Variants in TTI1 observed in about 807,000 individuals in gnomAD.
TTI1 encodes TELO2-interacting protein 1 homolog.
In TTI1, 52 loss-of-function variants were observed where a neutral mutation model predicts 85.4. The observed-to-expected ratio is 0.61, with a 90% CI of 0.49 to 0.77. The LOEUF (loss-of-function observed/expected upper bound fraction) is 0.77. TTI1 is among the 30% of genes least tolerant of loss of function. The pLI is 0.00. For missense variants in TTI1, 1,173 were observed against 1,296.0 expected (o/e 0.91, Z 1.46); for synonymous variants, 512 against 503.9 (o/e 1.02, Z -0.22).
rs776899644 is a variant in TTI1 at position 38,012,046 on chromosome 20, C to T, written c.1771G>A (p.Gly591Ser). Reference protein sequence around the residue: ...MGEELMMEHPGLQAITSGEHT... With the variant: ...MGEELMMEHPSLQAITSGEHT... Reference sequence around the variant, plus strand: ...TCACCAGACGTGATGGCTTGGAGGCCTGGGTGCTCCATCATCAGCTCCTCT... The same window carrying T: ...TCACCAGACGTGATGGCTTGGAGGCTTGGGTGCTCCATCATCAGCTCCTCT... The change falls in exon 2 of 8, where the codon GGC becomes AGC. Residue 591 changes from glycine to serine, a missense_variant. By Grantham distance (56) the Gly-to-Ser change is moderately conservative (BLOSUM62 0). Coordinates refer to ENST00000373447, the MANE Select transcript of TTI1 (RefSeq NM_001303457.2). 4 of 1,614,222 alleles carry T rather than the reference C, an allele frequency of 2.5e-6. No homozygotes were observed. In the South Asian group the frequency reaches 4.4e-5, roughly 18 times the overall value.
chr20:38,011,067 C>T (rs907496635), intron 2 of TTI1, among the ~76,000 whole-genome samples: 1 of 152,166 alleles, frequency 6.6e-6, no homozygotes, highest in African/African-American at 2.4e-5. Context: ...CCGTTCTAGA[C>T]AATATGTGAC....
rs1288839151 is a variant in TTI1, at chr20:38,020,322, AAATATATATATAT to A, written c.-41-6478_-41-6466del. Among the ~76,000 whole-genome samples, 33 of 75,942 alleles carry A rather than the reference AAATATATATATAT, an allele frequency of 4.3e-4. 6 individuals are homozygous for A. Among genetic ancestry groups the A allele is most frequent in the Admixed American group, 2.7e-3 (20 of 7,398 alleles). 49.8% of individuals were successfully genotyped at this position (75,942 alleles called of 152,430 possible). A position where few individuals can be genotyped will look rare whatever the true frequency, so the allele number is the denominator to read the frequency against. On this transcript the variant is annotated intron_variant, in intron 1 of 7. Coordinates refer to ENST00000373447, the MANE Select transcript of TTI1 (RefSeq NM_001303457.2). ...TGGCTACTCATATGAAAAAAAAAAA[AAATATATATATAT>A]ATATATATATATATATATGTATGTA...
intron 7 of TTI1, chr20:37,987,083 C>G (rs1280848392): frequency 9.0e-6 from 4 of 443,164 alleles, no homozygotes; most frequent in South Asian, 6.4e-5. Flanking sequence ...GCCTGCTGAA[C>G]TCTAAACACG....
intron 7 of TTI1, among the ~76,000 whole-genome samples, chr20:37,991,025 G>A (rs1294070748): frequency 1.3e-5 from 2 of 152,196 alleles, no homozygotes; most frequent in Admixed American, 6.5e-5. Context: ...CCTGCCAGAT[G>A]TCTCTTATCT....
intron 1 of TTI1, among the ~76,000 whole-genome samples, chr20:38,021,109 G>C (rs2073765677): frequency 6.6e-6 from 1 of 152,156 alleles, no homozygotes; most frequent in Non-Finnish European, 1.5e-5. Context: ...ATCTGTAGTA[G>C]AATGGATAAA....
chr20:37,996,614 C>T (rs1425855983), intron 6 of TTI1, 135 bp downstream of exon 6: 1 of 1,388,610 alleles, frequency 7.2e-7, no homozygotes, highest in Non-Finnish European at 1.0e-6. Context: ...GATAAATGGA[C>T]AAATGAGGCC....
intron 1 of TTI1, among the ~76,000 whole-genome samples, chr20:38,022,477 C>T (rs753171888): frequency 1.3e-5 from 2 of 152,190 alleles, no homozygotes; most frequent in Non-Finnish European, 2.9e-5. Context: ...TTTTGGCACA[C>T]AGTAGGTATT....
At chr20:37,983,665 T>C (rs554750341) in intron 7 of TTI1, 26 bp from the exon 8 acceptor site, 3 of 1,488,016 alleles carry the variant, frequency 2.0e-6, no homozygotes, top group Admixed American at 2.4e-5. Flanking sequence ...AAGGAGTGAG[T>C]AGAGGGTACA....
At chr20:38,027,265 ATATTT>A (rs758435824) in intron 1 of TTI1, among the ~76,000 whole-genome samples, 14 of 152,228 alleles carry the variant, frequency 9.2e-5, no homozygotes, top group Non-Finnish European at 1.3e-4. Flanking sequence ...ATCCTCCCAT[ATATTT>A]TATATCAACT....
intron 1 of TTI1, among the ~76,000 whole-genome samples, chr20:38,014,550 G>C (rs1407411290): frequency 6.6e-6 from 1 of 152,160 alleles, no homozygotes; most frequent in African/African-American, 2.4e-5. Context: ...TGTAATATGG[G>C]AGAAGGATCA....
intron 3 of TTI1, among the ~76,000 whole-genome samples, chr20:38,003,883 A>AG (rs1229084710): frequency 2.0e-5 from 3 of 152,112 alleles, no homozygotes; most frequent in African/African-American, 7.2e-5. Context: ...TTTGATTAAA[A>AG]GGGGGGTGCA....
chr20:38,002,685 G>A lies in TTI1; in HGVS notation c.2595C>T (p.Asp865=), dbSNP rs1193813915. The A allele has an allele frequency of 1.2e-5, 19 of 1,614,102 alleles. No individual in the cohort carries two copies. The highest frequency in any genetic ancestry group is 9.3e-5 in the African/African-American group (7 of 74,934). ...ACAAGTGGATGCAGCGTTCCATCAC[G>A]TCCATGGCTATTTGGATCTGCAATG... The part of the protein sequence containing the change: ...PLPLQIQIAM[D]VMERCIHLLS... The change falls in exon 4 of 8, where the codon GAC becomes GAT. Residue 865 remains aspartate (D), a synonymous_variant. Coordinates refer to ENST00000373447, the MANE Select transcript of TTI1 (RefSeq NM_001303457.2).
chr20:37,988,214 T>C (rs373479633), intron 7 of TTI1, among the ~76,000 whole-genome samples: 2 of 152,176 alleles, frequency 1.3e-5, no homozygotes, highest in African/African-American at 4.8e-5. Context: ...AGGCATGGCT[T>C]CCTGAGGAGA....
intron 2 of TTI1, among the ~76,000 whole-genome samples, chr20:38,008,738 T>A (rs556625063): frequency 6.6e-6 from 1 of 152,188 alleles, no homozygotes; most frequent in Non-Finnish European, 1.5e-5. Flanking sequence ...AGAGTGGACG[T>A]CAGTTAGATA....
At chr20:38,024,854 C>T (rs1378763871) in intron 1 of TTI1, among the ~76,000 whole-genome samples, 2 of 152,194 alleles carry the variant, frequency 1.3e-5, no homozygotes, top group African/African-American at 4.8e-5. Flanking sequence ...TAAACTTCCA[C>T]TTCTACTTGG....
chr20:38,021,605 G>A (rs544860355), intron 1 of TTI1, among the ~76,000 whole-genome samples: 1 of 152,334 alleles, frequency 6.6e-6, no homozygotes, highest in East Asian at 1.9e-4. Flanking sequence ...ATAAGCATGA[G>A]CAAACAGTTC....
chr20:38,032,964 AGACGG>A (rs2073937116), intron 1 of TTI1, among the ~76,000 whole-genome samples: 1 of 152,218 alleles, frequency 6.6e-6, no homozygotes, highest in Non-Finnish European at 1.5e-5. Context: ...CTGGACCCGC[AGACGG>A]CAAAAGCAGC....
chr20:38,013,018 T>TGGA lies in TTI1; in HGVS notation c.798_799insTCC (p.His266_Arg267insSer). ...CTGTAAACCATCAGCTCTGCTACTCTGTGCTCAACTGCAGGTTTTGCTTGG... is the reference window on the plus strand; with the variant it reads ...CTGTAAACCATCAGCTCTGCTACTCTGGAGTGCTCAACTGCAGGTTTTGCTTGG... On this transcript the variant is annotated inframe_insertion, in exon 2 of 8. Coordinates refer to ENST00000373447, the MANE Select transcript of TTI1 (RefSeq NM_001303457.2). 2 of 1,614,110 alleles carry TGGA rather than the reference T, an allele frequency of 1.2e-6. No individual in the cohort carries two copies. Among genetic ancestry groups the TGGA allele is most frequent in the Non-Finnish European group, 1.7e-6 (2 of 1,180,040 alleles).
At chr20:38,024,685 G>A (rs907756775) in intron 1 of TTI1, among the ~76,000 whole-genome samples, 4 of 152,136 alleles carry the variant, frequency 2.6e-5, no homozygotes, top group Non-Finnish European at 4.4e-5. Flanking sequence ...CTCCACCCAC[G>A]GTGGCAAAGG....
Sources: allele counts gnomAD v4.1 joint callset (sites outside exome capture counted in the v4.1 genomes callset), GRCh38; gene constraint gnomAD v4.1.1; transcripts MANE v1.5; gene names NCBI Gene and HGNC (gene_info 2026-07-23, HGNC 2026-07-21).